Variants in SLC17A7 observed in about 807,000 individuals in gnomAD.
The protein encoded by SLC17A7 is vesicular glutamate transporter 1.
SLC17A7 carries 15 observed loss-of-function variants against 59.1 expected under a neutral mutation model. The ratio of observed to expected loss-of-function variants is 0.25; its 90% CI spans 0.17 to 0.39. The LOEUF (loss-of-function observed/expected upper bound fraction) is 0.39. Among genes scored for constraint, SLC17A7 ranks in the 10% least tolerant of loss-of-function variants. SLC17A7 has a pLI of 1.00. For synonymous variants in SLC17A7, 353 were observed against 308.9 expected (o/e 1.14, Z -1.50); for missense variants, 499 against 765.1 (o/e 0.65, Z 4.10).
chr19:49,430,968 C>A (rs1484301711), intron 11 of SLC17A7, 47 bp downstream of exon 11: 5 of 1,576,998 alleles, frequency 3.2e-6, no homozygotes, highest in Middle Eastern at 1.7e-4. Flanking sequence ...CAGTTAGGTA[C>A]GAAGCACACA....
intron 11 of SLC17A7, 47 bp downstream of exon 11, chr19:49,430,968 C>T (rs1484301711): frequency 5.1e-6 from 8 of 1,576,996 alleles, no homozygotes; most frequent in Non-Finnish European, 6.9e-6. Flanking sequence ...CAGTTAGGTA[C>T]GAAGCACACA....
chr19:49,435,098 C>G, intron 3 of SLC17A7, 70 bp downstream of exon 3: 1 of 1,272,526 alleles, frequency 7.9e-7, no homozygotes, highest in Non-Finnish European at 1.1e-6. Context: ...CCCGCAAATT[C>G]AAGACCACGC....
chr19:49,434,982 C>CCTGGGGT, intron 3 of SLC17A7, 100 bp from the exon 4 acceptor site: 1 of 1,197,998 alleles, frequency 8.3e-7, no homozygotes, highest in Non-Finnish European at 1.2e-6. Context: ...GTCCCCGGGA[C>CCTGGGGT]CCCAGGTCCC....
At chr19:49,439,912 C>T (rs1304569456) in intron 1 of SLC17A7, among the ~76,000 whole-genome samples, 2 of 152,138 alleles carry the variant, frequency 1.3e-5, no homozygotes, top group Non-Finnish European at 2.9e-5. Flanking sequence ...CCCCCCAGCC[C>T]CCTCCACCAG....
At chr19:49,440,811 C>T (rs1239426346) in intron 1 of SLC17A7, among the ~76,000 whole-genome samples, 1 of 151,026 alleles carries the variant, frequency 6.6e-6, no homozygotes, top group Admixed American at 6.6e-5. Context: ...AGGAGAGACC[C>T]AGAAAGAGGG....
intron 1 of SLC17A7, chr19:49,437,007 C>T: frequency 1.5e-6 from 1 of 679,050 alleles, no homozygotes; most frequent in East Asian, 2.7e-5. Flanking sequence ...AATTCAGGCC[C>T]CCAGCCCCCT....
intron 1 of SLC17A7, 23 bp downstream of exon 1, chr19:49,441,295 C>T (rs1433888249): frequency 6.2e-7 from 1 of 1,607,012 alleles, no homozygotes; most frequent in Non-Finnish European, 8.5e-7. Context: ...CCACTCTTCT[C>T]CCGGGACCCC....
At chr19:49,438,007 G>C (rs889926206) in intron 1 of SLC17A7, 2 of 151,220 alleles carry the variant, frequency 1.3e-5, no homozygotes, top group African/African-American at 2.4e-5. Context: ...CAGAAAGAGG[G>C]GGACAGAGAC....
chr19:49,430,992 T>C, intron 11 of SLC17A7, 23 bp downstream of exon 11: 2 of 1,593,594 alleles, frequency 1.3e-6, no homozygotes, highest in Non-Finnish European at 1.7e-6. Context: ...GGAGGCAGAC[T>C]GAGTCAGGAC....
Position 49,430,293 on chromosome 19 carries a change from A to C in SLC17A7, c.*226T>G. On this transcript the variant is annotated 3_prime_UTR_variant, in exon 12 of 12. Transcript: ENST00000221485. ...CTGAGGCAGAACGGGTGGAGAGGGA[A>C]CCTTTAGGGGAATTTGGGTATCCTT... The C allele has an allele frequency of 2.1e-5, 9 of 438,932 alleles. No individual in the cohort carries two copies. The highest frequency in any genetic ancestry group is 4.0e-5 in the East Asian group (1 of 24,838). The allele number at this position is 438,932 out of a possible 1,614,324, so 27.2% of individuals were successfully genotyped here.
chr19:49,431,282 G>C lies in SLC17A7; in HGVS notation c.1261+56C>G, dbSNP rs1010833063. The C allele has an allele frequency of 2.5e-6, 4 of 1,594,022 alleles. No individual in the cohort carries two copies. The African/African-American group carries it at 5.4e-5, about 21-fold the overall frequency. On this transcript the variant is annotated intron_variant, in intron 10 of 11. Coordinates refer to ENST00000221485, the MANE Select transcript of SLC17A7 (RefSeq NM_020309.4). The surrounding 1 kb of genome is among the most constrained non-coding windows in gnomAD (Gnocchi z 4.6). ...CTGAGAGGCCCCGTTCCTGAGCCAG[G>C]AAGTTCCCTACAGAGCTGACCAGAG...
intron 1 of SLC17A7, among the ~76,000 whole-genome samples, chr19:49,439,894 C>T (rs968086757): frequency 6.7e-6 from 1 of 148,502 alleles, no homozygotes; most frequent in African/African-American, 2.6e-5. Flanking sequence ...ACATCCCTCC[C>T]GCTGCCACCC....
chr19:49,432,901 C>T lies in SLC17A7; in HGVS notation c.927G>A (p.Val309=). ...ACGTCCAGCTGCGGCAGAAGTTGGC[C>T]ACGATGATGGCATAGACTGGCATAG... The part of the protein sequence containing the change: ...FTSMPVYAII[V]ANFCRSWTFY... Residue 309 remains valine, a synonymous_variant, in exon 8 of 12, where the codon GTG becomes GTA. Transcript: ENST00000221485. 6.2e-7 allele frequency: 1 copy of T among 1,603,582 alleles called. No individual in the cohort carries two copies. Among genetic ancestry groups the T allele is most frequent in the Non-Finnish European group, 8.5e-7 (1 of 1,175,240 alleles).
In SLC17A7 at chr19:49,436,797, G is replaced by A. The variant is rs181072286; in HGVS notation, c.67C>T (p.Leu23=). Residue 23 remains leucine (L), a synonymous_variant, in exon 2 of 12, where the codon CTG becomes TTG. Transcript: ENST00000221485. The surrounding 1 kb of genome is among the most constrained non-coding windows in gnomAD (Gnocchi z 4.1). ...TCCGCGCCTTCCTGCCGCTTCTCCA[G>A]AAGGCTGCGGGACAGCAAGAGCCAG... The part of the protein sequence containing the change: ...GRALGKLHRL[L]EKRQEGAETL... 1.2e-5 allele frequency: 20 copies of A among 1,601,080 alleles called. No homozygotes were observed. The East Asian group carries it at 4.5e-4, about 36-fold the overall frequency.
rs1016045891 is a variant in SLC17A7, at chr19:49,434,783, C to T, written c.534G>A (p.Leu178=). The T allele has an allele frequency of 4.3e-6, 7 of 1,614,188 alleles. No individual in the cohort carries two copies. The Admixed American group carries it at 1.2e-4, about 27-fold the overall frequency. The change falls in exon 4 of 12, where the codon CTG becomes CTA. Residue 178 remains leucine, a synonymous_variant. Coordinates refer to ENST00000221485, the MANE Select transcript of SLC17A7 (RefSeq NM_020309.4). The stretch of plus-strand genomic sequence containing the variant: ...GGGGATTTACCTCTACCAACCCCTG[C>T]AGGATCCTCACGAAGATGACACAGC... ...HYGCVIFVRI[L]QGLVEGVTYP... is the part of the protein sequence containing the mutation.
intron 2 of SLC17A7, 63 bp from the exon 3 acceptor site, chr19:49,435,349 G>C: frequency 8.4e-7 from 1 of 1,195,526 alleles, no homozygotes; most frequent in African/African-American, 1.5e-5. Context: ...CCACCAATCA[G>C]CACCCACAGA....
chr19:49,439,002 A>G (rs1329134801), intron 1 of SLC17A7, among the ~76,000 whole-genome samples: 1 of 152,132 alleles, frequency 6.6e-6, no homozygotes. Context: ...CACAGAGATG[A>G]AGGTGGCCCT....
At chr19:49,434,225 C>A (rs1376430179) in intron 5 of SLC17A7, among the ~76,000 whole-genome samples, 179 bp from the exon 6 acceptor site, 2 of 151,378 alleles carry the variant, frequency 1.3e-5, no homozygotes, top group Non-Finnish European at 2.9e-5. Context: ...AGGCCCCCAG[C>A]TCCTCCTCCC....
At chr19:49,439,097 T>C (rs1412688966) in intron 1 of SLC17A7, among the ~76,000 whole-genome samples, 1 of 152,100 alleles carries the variant, frequency 6.6e-6, no homozygotes, top group African/African-American at 2.4e-5. Context: ...AACTCAGGCC[T>C]GGGGACTTGG....
Sources: gnomAD v4.1 joint callset for allele counts (sites outside exome capture counted in the v4.1 genomes callset) on GRCh38, gnomAD v4.1.1 for gene constraint, Gnocchi (gnomAD v3.1) non-coding constraint, MANE v1.5 for transcripts, NCBI Gene and HGNC (gene_info 2026-07-23, HGNC 2026-07-21) for gene names.